The following AMY2A variants were observed in gnomAD, a reference collection of about 807,000 sequenced individuals.
The protein encoded by AMY2A is pancreatic alpha-amylase.
Under a neutral mutation model 43.0 loss-of-function variants are expected in AMY2A, and 16 were observed. That is an observed-to-expected ratio of 0.37 (90% CI 0.25 to 0.56). AMY2A has a LOEUF of 0.56. AMY2A is among the 20% of genes least tolerant of loss of function. The pLI is 0.77. For synonymous variants in AMY2A, 70 were observed against 144.6 expected, an observed-to-expected ratio of 0.48 and a Z score of 3.70; for missense variants, 212 against 456.8, an observed-to-expected ratio of 0.46 and a Z score of 4.89.
chr1:103,618,804 C>T lies in AMY2A; in HGVS notation c.316-107C>T, dbSNP rs1299375859. ...TTGTAGGAAAATAATTATAAGATAT[C>T]ATGAAATATTTTGGAGTTTTATTAA... On this transcript the variant is annotated intron_variant, in intron 2 of 9. Coordinates refer to ENST00000414303, the MANE Select transcript of AMY2A (RefSeq NM_000699.4). 8 of 1,425,870 alleles carry T rather than the reference C, an allele frequency of 5.6e-6. No homozygotes were observed. In the South Asian group the frequency reaches 1.1e-4, roughly 19 times the overall value. 88.3% of individuals were successfully genotyped at this position (1,425,870 alleles called of 1,614,324 possible).
upstream of AMY2A, chr1:103,616,981 C>T: frequency 9.6e-7 from 1 of 1,043,178 alleles, no homozygotes; most frequent in Non-Finnish European, 1.2e-6. Context: ...ACCCAGTTTC[C>T]TTTCTTAGCT....
At chr1:103,617,404 T>C, upstream of AMY2A, 2 of 1,583,394 alleles carry the variant, frequency 1.3e-6, no homozygotes, top group Non-Finnish European at 1.7e-6. Flanking sequence ...GGAATATAAA[T>C]AGTTTCTGGA....
intron 1 of AMY2A, 146 bp downstream of exon 1, chr1:103,617,754 G>T: frequency 1.3e-6 from 2 of 1,538,284 alleles, no homozygotes; most frequent in Non-Finnish European, 1.8e-6. Flanking sequence ...AATCTATGTA[G>T]TATTCTTGGC....
upstream of AMY2A, chr1:103,617,374 T>C: frequency 1.3e-6 from 2 of 1,558,402 alleles, no homozygotes; most frequent in Non-Finnish European, 1.8e-6. Flanking sequence ...ATATTTACTT[T>C]GTAAAATGTG....
chr1:103,618,146 G>A (rs766494971), intron 2 of AMY2A, 46 bp downstream of exon 2: 24 of 1,575,230 alleles, frequency 1.5e-5, no homozygotes, highest in East Asian at 9.0e-5. Context: ...CAGGAAAATG[G>A]TTTCTCTCTC....
In AMY2A at chr1:103,619,088, A is replaced by G. The variant is rs943870837; in HGVS notation, c.493A>G (p.Asn165Asp). 9 of 1,172,664 alleles carry G rather than the reference A, an allele frequency of 7.7e-6. 1 individual carries two copies. Among genetic ancestry groups the G allele is most frequent in the African/African-American group, 3.2e-5 (2 of 61,752 alleles). 72.6% of individuals were successfully genotyped at this position (1,172,664 alleles called of 1,614,324 possible). ...KCKTGSGDIE[N>D]YNDATQVRDC... is the part of the protein sequence containing the mutation. ...TAAAACTGGAAGTGGAGATATCGAGAACTACAATGATGCTACTCAGGTAAT... is the reference window on the plus strand; with the variant it reads ...TAAAACTGGAAGTGGAGATATCGAGGACTACAATGATGCTACTCAGGTAAT... Residue 165 changes from asparagine to aspartate, a missense_variant, in exon 3 of 10, where the codon AAC becomes GAC. By Grantham distance (23) the Asn-to-Asp change is conservative. This residue lies in a region of AMY2A where 199 missense variants were observed against 210.6 expected (regional missense o/e 0.94). Transcript: ENST00000414303.
intron 7 of AMY2A, among the ~76,000 whole-genome samples, 193 bp from the exon 8 acceptor site, chr1:103,623,673 A>C (rs1653245932): frequency 8.1e-6 from 1 of 123,092 alleles, no homozygotes; most frequent in African/African-American, 3.4e-5. Flanking sequence ...GAAATATGCC[A>C]GAAGAAAACC....
rs753658483 is a variant in AMY2A, at chr1:103,617,934, G to A, written c.169-20G>A. On this transcript the variant is annotated intron_variant, in intron 1 of 9. Coordinates refer to ENST00000414303, the MANE Select transcript of AMY2A (RefSeq NM_000699.4). ...CAGTAAGACAGAATTTGGTACTTAT[G>A]AAGACTGTTTAATTTGTAGGTCTCT... is the stretch of plus-strand genomic sequence containing the variant. 3.0e-5 allele frequency: 48 copies of A among 1,600,268 alleles called. 5 individuals carry two copies. Among genetic ancestry groups the A allele is most frequent in the Non-Finnish European group, 4.0e-5 (47 of 1,170,560 alleles).
At chr1:103,623,350 C>T (rs1357865463) in intron 7 of AMY2A, among the ~76,000 whole-genome samples, 2 of 132,878 alleles carry the variant, frequency 1.5e-5, no homozygotes, top group Non-Finnish European at 3.2e-5. Flanking sequence ...CAGTGGCTCA[C>T]ACCTGTAATC....
chr1:103,617,594 T>G lies in AMY2A; in HGVS notation c.154T>G (p.Phe52Val). The G allele has an allele frequency of 2.5e-6, 4 of 1,600,938 alleles. No homozygotes were observed. Among genetic ancestry groups the G allele is most frequent in the Non-Finnish European group, 2.6e-6 (3 of 1,170,896 alleles). The change falls in exon 1 of 10, where the codon TTT (phenylalanine) becomes GTT (valine). Residue 52 changes from phenylalanine (F) to valine (V), a missense_variant. Transcript: ENST00000414303. Reference protein sequence around the residue: ...ECERYLAPKGFGGVQVSPPNE... With the variant: ...ECERYLAPKGVGGVQVSPPNE... ...TGAGCGATATTTAGCTCCGAAGGGA[T>G]TTGGAGGGGTTCAGGTGGGTATGAT...
chr1:103,616,805 C>T, upstream of AMY2A: 4 of 189,068 alleles, frequency 2.1e-5, no homozygotes, highest in Non-Finnish European at 3.0e-5. Context: ...TTGTGGAAGA[C>T]CAGTCTGGCT....
chr1:103,620,741 TC>T, intron 5 of AMY2A, 57 bp downstream of exon 5: 5 of 1,070,574 alleles, frequency 4.7e-6, no homozygotes, highest in Non-Finnish European at 6.8e-6. Flanking sequence ...TCATACTACC[TC>T]AGTGTGACTT....
chr1:103,619,025 G>T lies in AMY2A; in HGVS notation c.430G>T (p.Val144Phe). 3 of 1,315,882 alleles carry T rather than the reference G, an allele frequency of 2.3e-6. No individual in the cohort carries two copies. Among genetic ancestry groups the T allele is most frequent in the Non-Finnish European group, 3.1e-6 (3 of 972,262 alleles). 81.5% of individuals were successfully genotyped at this position (1,315,882 alleles called of 1,614,324 possible). The stretch of plus-strand genomic sequence containing the variant: ...CCCTGGAAGTAGGGACTTTCCAGCA[G>T]TCCCATATTCTGGATGGGATTTCAA... ...FNPGSRDFPA[V>F]PYSGWDFNDG... Residue 144 changes from valine to phenylalanine, a missense_variant, in exon 3 of 10, where the codon GTC becomes TTC. Val to Phe is a conservative substitution (Grantham distance 50, BLOSUM62 -1). This residue lies in a region of AMY2A where 199 missense variants were observed against 210.6 expected (regional missense o/e 0.94). Transcript: ENST00000414303.
rs79714993 is a variant in AMY2A at position 103,617,582 on chromosome 1, G to A, written c.142G>A (p.Ala48Thr). ...TGCTCTTGAATGTGAGCGATATTTA[G>A]CTCCGAAGGGATTTGGAGGGGTTCA... ...DIALECERYL[A>T]PKGFGGVQVS... The change falls in exon 1 of 10, where the codon GCT (alanine) becomes ACT (threonine). Residue 48 changes from alanine to threonine, a missense_variant. Coordinates refer to ENST00000414303, the MANE Select transcript of AMY2A (RefSeq NM_000699.4). 5 of 1,600,994 alleles carry A rather than the reference G, an allele frequency of 3.1e-6. No individual in the cohort carries two copies. The Admixed American group carries it at 5.0e-5, about 16-fold the overall frequency.
upstream of AMY2A, chr1:103,617,016 G>A: frequency 9.6e-7 from 1 of 1,043,928 alleles, no homozygotes; most frequent in Non-Finnish European, 1.2e-6. Context: ...GAGCACCGTG[G>A]GCTGTTACTT....
In AMY2A at chr1:103,617,881, A is replaced by G; in HGVS notation, c.169-73A>G. The G allele has an allele frequency of 1.9e-6, 3 of 1,592,330 alleles. 1 individual carries two copies. Among genetic ancestry groups the G allele is most frequent in the Non-Finnish European group, 8.6e-7 (1 of 1,166,554 alleles). ...GATTCAAGAATCTTTTATACTATTG[A>G]TTAGTTTCTAGAACATTCAATGATA... is the stretch of plus-strand genomic sequence containing the variant. On this transcript the variant is annotated intron_variant, in intron 1 of 9. Coordinates refer to ENST00000414303, the MANE Select transcript of AMY2A (RefSeq NM_000699.4).
chr1:103,619,927 A>G (rs1653194962), intron 4 of AMY2A, 143 bp downstream of exon 4: 7 of 1,433,972 alleles, frequency 4.9e-6, no homozygotes, highest in African/African-American at 1.4e-5. Context: ...TCTTCTTCAC[A>G]TACAGCATAT....
At position 103,619,698 on chromosome 1, in the gene AMY2A, G is replaced by A. The variant is rs773508723; in HGVS notation, c.658G>A (p.Gly220Arg). 1 of 1,613,646 alleles carries A rather than the reference G, an allele frequency of 6.2e-7. No individual in the cohort carries two copies. The highest frequency in any genetic ancestry group is 1.3e-5 in the African/African-American group (1 of 74,930). Residue 220 changes from glycine (G) to arginine (R), a missense_variant, in exon 4 of 10, where the codon GGA becomes AGA. Transcript: ENST00000414303. ...TGATGCTTCCAAGCACATGTGGCCT[G>A]GAGACATAAAGGCAATTTTGGACAA... ...RLDASKHMWP[G>R]DIKAILDKLH...
rs1466147019 is a variant in AMY2A at position 103,617,749 on chromosome 1, A to G, written c.168+141A>G. 1.9e-5 allele frequency: 30 copies of G among 1,545,444 alleles called. No homozygotes were observed. The South Asian group carries it at 3.2e-4, about 16-fold the overall frequency. On this transcript the variant is annotated intron_variant, in intron 1 of 9. Transcript: ENST00000414303. Reference sequence around the variant, plus strand: ...AAAAGAGATTTCTGAGGGAAAATCTATGTAGTATTCTTGGCAACTTTATAT... The same window carrying G: ...AAAAGAGATTTCTGAGGGAAAATCTGTGTAGTATTCTTGGCAACTTTATAT...
Sources: gnomAD v4.1 joint callset for allele counts (sites outside exome capture counted in the v4.1 genomes callset) on GRCh38, gnomAD v4.1.1 for gene constraint, gnomAD v4.1.1 regional missense constraint, MANE v1.5 for transcripts, NCBI Gene and HGNC (gene_info 2026-07-23, HGNC 2026-07-21) for gene names.